RETREG3: variants seen among roughly 807,000 people sequenced by gnomAD.
RETREG3 encodes the protein reticulophagy regulator 3.
Under a neutral mutation model 50.2 loss-of-function variants are expected in RETREG3, and 23 were observed. That is an observed-to-expected ratio of 0.46 (90% CI 0.33 to 0.65). RETREG3 has a LOEUF of 0.65. Ranked by LOEUF, RETREG3 falls within the 30% of genes least tolerant of loss-of-function variation. The probability of loss-of-function intolerance (pLI) is 0.02; values close to 1 mark genes in which losing one functional copy is unlikely to be tolerated. For synonymous variants in RETREG3, 240 were observed against 234.4 expected (o/e 1.02, Z -0.22); for missense variants, 546 against 598.0 (o/e 0.91, Z 0.91).
intron 1 of RETREG3, among the ~76,000 whole-genome samples, chr17:42,595,671 T>C (rs2093142713): frequency 6.7e-6 from 1 of 148,588 alleles, no homozygotes; most frequent in Admixed American, 6.7e-5. Context: ...TCTTTCTTTT[T>C]TTTTTTTTTT....
chr17:42,603,909 G>A (rs1176241056), intron 1 of RETREG3, among the ~76,000 whole-genome samples: 1 of 152,008 alleles, frequency 6.6e-6, no homozygotes, highest in Non-Finnish European at 1.5e-5. Flanking sequence ...CCCGGGAGGT[G>A]GAGCTTGCAG....
chr17:42,597,195 T>C (rs967876412), intron 1 of RETREG3, among the ~76,000 whole-genome samples: 8 of 149,842 alleles, frequency 5.3e-5, no homozygotes, highest in African/African-American at 2.0e-4. Flanking sequence ...TTTTTTCTTT[T>C]TTTTTTTTTT....
intron 2 of RETREG3, among the ~76,000 whole-genome samples, chr17:42,591,593 G>C (rs763886317): frequency 1.3e-5 from 2 of 152,112 alleles, no homozygotes; most frequent in Non-Finnish European, 2.9e-5. Flanking sequence ...ACCCGCCTCG[G>C]ACTCCCAAAG....
At chr17:42,582,335 A>G in intron 8 of RETREG3, 65 bp from the exon 9 acceptor site, 1 of 1,480,290 alleles carries the variant, frequency 6.8e-7, no homozygotes, top group African/African-American at 1.4e-5. Context: ...CCAGCCCCAC[A>G]TGACCAGATT....
Position 42,598,271 on chromosome 17 carries a change from G to A in RETREG3, c.240-6109C>T, listed in dbSNP as rs936795689. 1.6e-4 allele frequency among the ~76,000 whole-genome samples: 24 copies of A among 151,774 alleles called. 1 individual carries two copies. The highest frequency in any genetic ancestry group is 3.2e-4 in the Non-Finnish European group (22 of 67,932). On this transcript the variant is annotated intron_variant, in intron 1 of 8. Coordinates refer to ENST00000309428, the MANE Select transcript of RETREG3 (RefSeq NM_178126.4). ...GCTGGGATTACAGACGTGAGCCACC[G>A]CACCCGGCCTCTTCCTCTGAAGTTA...
intron 2 of RETREG3, 95 bp from the exon 3 acceptor site, chr17:42,587,959 T>C (rs2093124442): frequency 4.3e-6 from 6 of 1,410,546 alleles, no homozygotes; most frequent in Admixed American, 1.7e-5. Context: ...TTTTAATAGG[T>C]TGGGGAAAAG....
chr17:42,585,130 C>G lies in RETREG3; in HGVS notation c.722G>C (p.Arg241Thr). ...AATGACACCATGACACTTACATTGTCTCTCTCTCTGCTTGGACATCATGTA... is the reference window on the plus strand; with the variant it reads ...AATGACACCATGACACTTACATTGTGTCTCTCTCTGCTTGGACATCATGTA... Reference protein sequence around the residue: ...RGYMMSKQRERQLRRRALHPE... With the variant: ...RGYMMSKQRETQLRRRALHPE... Residue 241 changes from arginine to threonine, a missense_variant, in exon 6 of 9, where the codon AGA becomes ACA. By Grantham distance (71) the Arg-to-Thr change is moderately conservative. Coordinates refer to ENST00000309428, the MANE Select transcript of RETREG3 (RefSeq NM_178126.4). The G allele has an allele frequency of 1.3e-6, 2 of 1,598,970 alleles. No individual in the cohort carries two copies. Among genetic ancestry groups the G allele is most frequent in the Non-Finnish European group, 1.7e-6 (2 of 1,168,854 alleles).
At position 42,580,919 on chromosome 17, in the gene RETREG3, A is replaced by T. The variant is rs1746547134; in HGVS notation, c.*894T>A. On this transcript the variant is annotated 3_prime_UTR_variant, in exon 9 of 9. Transcript: ENST00000309428. ...GCCGGGCATGGTGGTGCATGCCTGT[A>T]ATCTCAGCTACTGAGGAGGCTGAGG... is the stretch of plus-strand genomic sequence containing the variant. 3 of 151,386 alleles carry T rather than the reference A, an allele frequency of 2.0e-5. No homozygotes were observed. The highest frequency in any genetic ancestry group is 2.9e-5 in the Non-Finnish European group (2 of 67,956). The allele number at this position is 151,386 out of a possible 1,614,324, so 9.4% of individuals were successfully genotyped here.
At chr17:42,582,312 G>A in intron 8 of RETREG3, 42 bp from the exon 9 acceptor site, 2 of 1,539,354 alleles carry the variant, frequency 1.3e-6, no homozygotes, top group Non-Finnish European at 1.7e-6. Context: ...CACCTACCTG[G>A]CCCTCCTGTG....
intron 1 of RETREG3, chr17:42,596,478 T>C (rs915828387): frequency 6.6e-6 from 1 of 151,124 alleles, no homozygotes; most frequent in African/African-American, 2.4e-5. Context: ...TGAATAGACA[T>C]TGCAGGACTA....
chr17:42,595,954 A>G (rs2093143510), intron 1 of RETREG3, among the ~76,000 whole-genome samples: 1 of 152,024 alleles, frequency 6.6e-6, no homozygotes, highest in Non-Finnish European at 1.5e-5. Context: ...CAGTAGGTAG[A>G]AGGAGTAACA....
At chr17:42,608,684 T>C (rs1743199442) in intron 1 of RETREG3, 2 of 176,508 alleles carry the variant, frequency 1.1e-5, no homozygotes, top group Non-Finnish European at 2.4e-5. Flanking sequence ...ACGCCTCTAC[T>C]CCAACAATAA....
intron 2 of RETREG3, among the ~76,000 whole-genome samples, chr17:42,590,194 A>T (rs948506774): frequency 2.0e-5 from 3 of 152,092 alleles, no homozygotes; most frequent in Non-Finnish European, 4.4e-5. Context: ...ACAAAGTGAG[A>T]TTCTGTCTCA....
intron 1 of RETREG3, among the ~76,000 whole-genome samples, chr17:42,607,820 A>G (rs111419499): frequency 6.6e-6 from 1 of 151,204 alleles, no homozygotes; most frequent in Non-Finnish European, 1.5e-5. Context: ...AAAAAAAAAA[A>G]GGGAAAAAGC....
At chr17:42,597,562 G>T (rs2093148310) in intron 1 of RETREG3, among the ~76,000 whole-genome samples, 1 of 109,728 alleles carries the variant, frequency 9.1e-6, no homozygotes. Flanking sequence ...ATATTTTTGT[G>T]TATATATATA....
At chr17:42,591,755 C>T (rs554432866) in intron 2 of RETREG3, among the ~76,000 whole-genome samples, 3 of 152,184 alleles carry the variant, frequency 2.0e-5, no homozygotes, top group East Asian at 1.9e-4. Context: ...TGTCCAATAA[C>T]GATAATTTAT....
intron 1 of RETREG3, among the ~76,000 whole-genome samples, chr17:42,595,068 C>T (rs2093141397): frequency 7.0e-6 from 1 of 143,676 alleles, no homozygotes; most frequent in African/African-American, 2.6e-5. Flanking sequence ...CTGGTTGAAG[C>T]GATTCTCCTG....
At chr17:42,599,357 T>C (rs111376798) in intron 1 of RETREG3, among the ~76,000 whole-genome samples, 23 of 152,086 alleles carry the variant, frequency 1.5e-4, no homozygotes, top group African/African-American at 5.5e-4. Context: ...GCTGGAAAAA[T>C]TGAAATAGGG....
At chr17:42,586,936 G>C in intron 3 of RETREG3, 45 bp from the exon 4 acceptor site, 1 of 1,605,532 alleles carries the variant, frequency 6.2e-7, no homozygotes, top group Non-Finnish European at 8.5e-7. Flanking sequence ...GGTGTTGAGG[G>C]TCCCCCCATC....
Sources: gnomAD v4.1 joint callset for allele counts (sites outside exome capture counted in the v4.1 genomes callset) on GRCh38, gnomAD v4.1.1 for gene constraint, MANE v1.5 for transcripts, NCBI Gene and HGNC (gene_info 2026-07-23, HGNC 2026-07-21) for gene names.